Variants in OCLN observed in about 807,000 individuals in gnomAD.
OCLN encodes occludin.
OCLN carries 21 observed loss-of-function variants against 47.9 expected under a neutral mutation model. The observed-to-expected ratio is 0.44, with a 90% CI of 0.31 to 0.63. The LOEUF (loss-of-function observed/expected upper bound fraction) is 0.63. OCLN is among the 30% of genes least tolerant of loss of function. The pLI, the probability that OCLN is intolerant of heterozygous loss-of-function variation, is 0.08. For synonymous variants in OCLN, 117 were observed against 198.4 expected (o/e 0.59, Z 3.45); for missense variants, 360 against 571.0 (o/e 0.63, Z 3.77).
At chr5:69,502,072 G>A (rs556156988) in intron 1 of OCLN, among the ~76,000 whole-genome samples, 10 of 152,144 alleles carry the variant, frequency 6.6e-5, no homozygotes, top group South Asian at 2.1e-4. Context: ...GGCAGCGTGC[G>A]CCTGTAGTCC....
At chr5:69,532,683 A>G (rs1023304623) in intron 4 of OCLN, among the ~76,000 whole-genome samples, 1 of 152,078 alleles carries the variant, frequency 6.6e-6, no homozygotes, top group African/African-American at 2.4e-5. Context: ...AAAATCTAAC[A>G]GTGGCCGGGC....
At chr5:69,506,748 G>A (rs1768618288) in intron 2 of OCLN, among the ~76,000 whole-genome samples, 1 of 152,164 alleles carries the variant, frequency 6.6e-6, no homozygotes, top group African/African-American at 2.4e-5. Flanking sequence ...TGAAGGTTGT[G>A]TTCCAGTTCT....
chr5:69,509,133 C>A lies in OCLN; in HGVS notation c.51-8C>A, dbSNP rs1029605974. ...GCTAACTTGAAATTATTTTCATGTTCATTTCAGCAAACCGAATCATTATGC... is the reference window on the plus strand; with the variant it reads ...GCTAACTTGAAATTATTTTCATGTTAATTTCAGCAAACCGAATCATTATGC... On this transcript the variant is annotated splice_region_variant and splice_polypyrimidine_tract_variant and intron_variant, in intron 2 of 8. Transcript: ENST00000396442. 6.2e-7 allele frequency: 1 copy of A among 1,611,622 alleles called. No homozygotes were observed. The highest frequency in any genetic ancestry group is 8.5e-7 in the Non-Finnish European group (1 of 1,177,760).
chr5:69,508,551 G>T (rs1768674241), intron 2 of OCLN, among the ~76,000 whole-genome samples: 1 of 152,166 alleles, frequency 6.6e-6, no homozygotes, highest in African/African-American at 2.4e-5. Flanking sequence ...ATGTTGGCCA[G>T]GCTGGTCTTG....
chr5:69,517,308 A>G (rs1166484356), intron 4 of OCLN, among the ~76,000 whole-genome samples: 4 of 90,302 alleles, frequency 4.4e-5, no homozygotes, highest in Non-Finnish European at 1.0e-4. Context: ...ATATATATAT[A>G]TATATATTTT....
At chr5:69,533,108 C>CATAT (rs139759677) in intron 4 of OCLN, among the ~76,000 whole-genome samples, 33 of 146,970 alleles carry the variant, frequency 2.2e-4, no homozygotes, top group Middle Eastern at 3.5e-3. Context: ...CACACACACA[C>CATAT]ATATATATAT....
intron 4 of OCLN, among the ~76,000 whole-genome samples, chr5:69,517,576 G>T (rs894805617): frequency 6.6e-6 from 1 of 152,110 alleles, no homozygotes; most frequent in African/African-American, 2.4e-5. Context: ...GCCTCCCAAA[G>T]TGCTGGGATT....
At chr5:69,519,654 A>AT (rs1769078153) in intron 4 of OCLN, among the ~76,000 whole-genome samples, 1 of 151,988 alleles carries the variant, frequency 6.6e-6, no homozygotes, top group South Asian at 2.1e-4. Context: ...TTCAGATCTG[A>AT]TTTTTTTAAT....
chr5:69,517,626 C>A (rs955250427), intron 4 of OCLN, among the ~76,000 whole-genome samples: 6 of 152,094 alleles, frequency 3.9e-5, no homozygotes, highest in Non-Finnish European at 5.9e-5. Context: ...CTCTAACATT[C>A]TGTAAGTCTG....
chr5:69,516,071 C>A (rs1288200633), intron 4 of OCLN, among the ~76,000 whole-genome samples: 1 of 151,100 alleles, frequency 6.6e-6, no homozygotes, highest in Non-Finnish European at 1.5e-5. Context: ...CAGGCAGAGA[C>A]GCTCCTCACT....
chr5:69,522,473 A>T (rs1007832834), intron 4 of OCLN, among the ~76,000 whole-genome samples: 7 of 152,192 alleles, frequency 4.6e-5, no homozygotes, highest in African/African-American at 1.7e-4. Flanking sequence ...TTATTGAGGT[A>T]CAATTTATAT....
chr5:69,507,425 G>A (rs1768637895), intron 2 of OCLN, among the ~76,000 whole-genome samples: 1 of 152,030 alleles, frequency 6.6e-6, no homozygotes, highest in Admixed American at 6.6e-5. Context: ...CACCACATCT[G>A]GCCAGTTTTA....
intron 4 of OCLN, among the ~76,000 whole-genome samples, chr5:69,514,319 G>C (rs547206855): frequency 6.6e-6 from 1 of 152,202 alleles, no homozygotes; most frequent in Non-Finnish European, 1.5e-5. Flanking sequence ...TTTTCAAGGA[G>C]TGAATCTTGG....
At chr5:69,512,524 A>G (rs1284318123) in intron 3 of OCLN, among the ~76,000 whole-genome samples, 1 of 152,158 alleles carries the variant, frequency 6.6e-6, no homozygotes, top group Admixed American at 6.5e-5. Context: ...TTTTGGCTAG[A>G]TTCTGGATTC....
Position 69,493,084 on chromosome 5 carries a change from C to G in OCLN, c.-69+184C>G, listed in dbSNP as rs753147628. Among the ~76,000 whole-genome samples, 1 of 152,164 alleles carries G rather than the reference C, an allele frequency of 6.6e-6. No homozygotes were observed. Among genetic ancestry groups the G allele is most frequent in the Admixed American group, 6.5e-5 (1 of 15,280 alleles). On this transcript the variant is annotated intron_variant, in intron 1 of 8. Transcript: ENST00000396442. This position sits in a 1 kb window ranked among gnomAD's most constrained non-coding sequence, Gnocchi z 5.3. ...GCGCGGGTCTGCGGAGAGAGCAGCA[C>G]CGGCCAACTTGGGAGGCTGCCTCCT...
intron 4 of OCLN, among the ~76,000 whole-genome samples, chr5:69,520,098 A>G (rs1443129343): frequency 6.6e-6 from 1 of 151,964 alleles, no homozygotes; most frequent in African/African-American, 2.4e-5. Context: ...ATCTGGGATT[A>G]CAGGTGCCTG....
chr5:69,497,678 G>A (rs542660750), intron 1 of OCLN, among the ~76,000 whole-genome samples: 1 of 152,174 alleles, frequency 6.6e-6, no homozygotes, highest in African/African-American at 2.4e-5. Flanking sequence ...ACGGTGCCTG[G>A]CCAGCTTTTC....
At chr5:69,515,045 C>T (rs1377489020) in intron 4 of OCLN, among the ~76,000 whole-genome samples, 4 of 152,286 alleles carry the variant, frequency 2.6e-5, no homozygotes, top group South Asian at 2.1e-4. Context: ...TTGGGTACAC[C>T]TCCCAGACGG....
intron 2 of OCLN, 147 bp from the exon 3 acceptor site, chr5:69,508,994 G>A (rs1768686422): frequency 1.4e-6 from 1 of 726,420 alleles, no homozygotes; most frequent in Non-Finnish European, 2.3e-6. Context: ...ATAATCTTAT[G>A]TTTTAACAAG....
Sources: allele counts gnomAD v4.1 joint callset (sites outside exome capture counted in the v4.1 genomes callset), GRCh38; gene constraint gnomAD v4.1.1; non-coding constraint Gnocchi (gnomAD v3.1); transcripts MANE v1.5; gene names NCBI Gene and HGNC (gene_info 2026-07-23, HGNC 2026-07-21).